ITPRID1: variants seen among roughly 807,000 people sequenced by gnomAD.
The protein encoded by ITPRID1 is protein ITPRID1.
Under a neutral mutation model 95.4 loss-of-function variants are expected in ITPRID1, and 96 were observed. That is an observed-to-expected ratio of 1.01 (90% CI 0.85 to 1.19). The LOEUF is 1.19. ITPRID1 is among the 50% of genes most tolerant of loss of function. The pLI, the probability that ITPRID1 is intolerant of heterozygous loss-of-function variation, is 0.00. For missense variants in ITPRID1, 1,339 were observed against 1,252.9 expected (o/e 1.07, Z -1.04); for synonymous variants, 510 against 453.6 (o/e 1.12, Z -1.58).
intron 5 of ITPRID1, among the ~76,000 whole-genome samples, chr7:31,563,238 A>G (rs2128140493): frequency 6.6e-6 from 1 of 152,366 alleles, no homozygotes; most frequent in Non-Finnish European, 1.5e-5. Context: ...GGTTTGAACA[A>G]AGGCACAGAA....
At chr7:31,517,104 A>C (rs879067719) in intron 1 of ITPRID1, among the ~76,000 whole-genome samples, 1 of 152,204 alleles carries the variant, frequency 6.6e-6, no homozygotes, top group Non-Finnish European at 1.5e-5. Context: ...CACCATTCCC[A>C]GAGAACAAAG....
At chr7:31,622,652 G>T (rs1170103524) in intron 10 of ITPRID1, among the ~76,000 whole-genome samples, 2 of 152,020 alleles carry the variant, frequency 1.3e-5, no homozygotes, top group African/African-American at 4.8e-5. Flanking sequence ...ACAAGAGAAA[G>T]CAGGAAAGAT....
At chr7:31,516,741 TA>T (rs1457045962) in intron 1 of ITPRID1, among the ~76,000 whole-genome samples, 5 of 152,194 alleles carry the variant, frequency 3.3e-5, no homozygotes, top group Admixed American at 1.3e-4. Flanking sequence ...ACCTCCAAAG[TA>T]GTGACTTCTC....
chr7:31,656,776 T>C (rs375852331), downstream of ITPRID1, among the ~76,000 whole-genome samples: 236 of 152,280 alleles, frequency 1.5e-3, 1 homozygote, highest in South Asian at 3.7e-3. Flanking sequence ...TTTATTATTT[T>C]CTGATGAAGA....
chr7:31,600,675 G>A (rs1786355896), intron 10 of ITPRID1, among the ~76,000 whole-genome samples: 1 of 152,178 alleles, frequency 6.6e-6, no homozygotes, highest in Non-Finnish European at 1.5e-5. Context: ...CCTTACCCTT[G>A]AGAAGTGACC....
intron 1 of ITPRID1, among the ~76,000 whole-genome samples, chr7:31,523,060 T>A (rs754267779): frequency 1.5e-4 from 23 of 152,216 alleles, no homozygotes; most frequent in Admixed American, 3.9e-4. Flanking sequence ...ATGTAAGTTT[T>A]AAATGAGATG....
At chr7:31,530,416 G>A (rs768884501) in intron 1 of ITPRID1, among the ~76,000 whole-genome samples, 265 of 152,284 alleles carry the variant, frequency 1.7e-3, no homozygotes, top group Middle Eastern at 6.8e-3. Context: ...GGATAGAGTT[G>A]CCAGATAAAA....
At chr7:31,522,653 A>G (rs944579676) in intron 1 of ITPRID1, among the ~76,000 whole-genome samples, 2 of 152,214 alleles carry the variant, frequency 1.3e-5, no homozygotes, top group Non-Finnish European at 2.9e-5. Context: ...ATCTGATTTG[A>G]ATGTCTTTCC....
intron 1 of ITPRID1, among the ~76,000 whole-genome samples, chr7:31,533,393 A>G (rs911092099): frequency 6.6e-6 from 1 of 152,184 alleles, no homozygotes; most frequent in Non-Finnish European, 1.5e-5. Context: ...ATCAATTTTT[A>G]TCAATTGTTT....
At chr7:31,524,800 TTA>T (rs1783373112) in intron 1 of ITPRID1, among the ~76,000 whole-genome samples, 1 of 152,220 alleles carries the variant, frequency 6.6e-6, no homozygotes, top group Non-Finnish European at 1.5e-5. Flanking sequence ...AACTATTTGT[TTA>T]TGAGTCTATC....
intron 1 of ITPRID1, among the ~76,000 whole-genome samples, chr7:31,532,914 T>C (rs1444584546): frequency 2.6e-5 from 4 of 152,224 alleles, no homozygotes; most frequent in Admixed American, 6.5e-5. Context: ...GCTGGATTTA[T>C]TTGCTAATAT....
intron 1 of ITPRID1, among the ~76,000 whole-genome samples, chr7:31,522,132 A>G (rs1783284317): frequency 6.6e-6 from 1 of 152,064 alleles, no homozygotes; most frequent in Non-Finnish European, 1.5e-5. Context: ...TCATCTCATT[A>G]CTGAGTATTA....
chr7:31,546,320 A>G (rs1312231496), intron 1 of ITPRID1, among the ~76,000 whole-genome samples: 1 of 152,132 alleles, frequency 6.6e-6, no homozygotes, highest in African/African-American at 2.4e-5. Flanking sequence ...ATTTACTCCA[A>G]TAATTTTTGT....
At chr7:31,636,592 A>G (rs1789502219) in intron 10 of ITPRID1, among the ~76,000 whole-genome samples, 1 of 152,070 alleles carries the variant, frequency 6.6e-6, no homozygotes, top group Non-Finnish European at 1.5e-5. Flanking sequence ...CCTAATGCCT[A>G]TATAGTCTGG....
At chr7:31,635,152 A>G (rs1026698450) in intron 10 of ITPRID1, among the ~76,000 whole-genome samples, 6 of 152,188 alleles carry the variant, frequency 3.9e-5, no homozygotes, top group South Asian at 4.1e-4. Context: ...ATAATCCATC[A>G]TGGCCATTCT....
chr7:31,561,702 A>G (rs1035366204), intron 5 of ITPRID1, among the ~76,000 whole-genome samples: 3 of 152,154 alleles, frequency 2.0e-5, no homozygotes, highest in Admixed American at 2.0e-4. Flanking sequence ...TCTCATCTCC[A>G]GGGCGTTGTC....
chr7:31,625,582 T>C (rs1788377527), intron 10 of ITPRID1, among the ~76,000 whole-genome samples: 1 of 149,308 alleles, frequency 6.7e-6, no homozygotes, highest in Non-Finnish European at 1.5e-5. Flanking sequence ...TGGGAACACA[T>C]GGACACAGGA....
chr7:31,573,854 CAAATT>C (rs1262275352), intron 7 of ITPRID1, among the ~76,000 whole-genome samples: 1 of 149,924 alleles, frequency 6.7e-6, no homozygotes, highest in African/African-American at 2.4e-5. Context: ...ATATACAAAT[CAAATT>C]AAAAATATAT....
At chr7:31,652,092 C>T (rs1791014627) in intron 14 of ITPRID1, 42 bp downstream of exon 14, 1 of 1,351,026 alleles carries the variant, frequency 7.4e-7, no homozygotes, top group Non-Finnish European at 1.0e-6. Flanking sequence ...ATCCAGCCTA[C>T]CACAGGAGAG....
Sources: gnomAD v4.1 joint callset for allele counts (sites outside exome capture counted in the v4.1 genomes callset) on GRCh38, gnomAD v4.1.1 for gene constraint, MANE v1.5 for transcripts, NCBI Gene and HGNC (gene_info 2026-07-23, HGNC 2026-07-21) for gene names.